The following DNAL1 variants were observed in gnomAD, a reference collection of about 807,000 sequenced individuals.
The protein encoded by DNAL1 is chromosome 14 open reading frame 168.
Under a neutral mutation model 29.4 loss-of-function variants are expected in DNAL1, and 17 were observed. The observed-to-expected ratio is 0.58, with a 90% CI of 0.40 to 0.87. DNAL1 has a LOEUF of 0.87. Ranked by LOEUF, DNAL1 falls within the 40% of genes least tolerant of loss-of-function variation. The pLI, the probability that DNAL1 is intolerant of heterozygous loss-of-function variation, is 0.00. For missense variants in DNAL1, 188 were observed against 214.1 expected (o/e 0.88, Z 0.76); for synonymous variants, 78 against 76.3 (o/e 1.02, Z -0.12).
At chr14:73,666,230 C>T (rs1392424439) in intron 4 of DNAL1, among the ~76,000 whole-genome samples, 2 of 152,054 alleles carry the variant, frequency 1.3e-5, no homozygotes, top group Non-Finnish European at 2.9e-5. Context: ...ATAGGTATTC[C>T]TATTTAACAG....
At chr14:73,662,505 C>A (rs1022351158) in intron 4 of DNAL1, among the ~76,000 whole-genome samples, 1 of 152,110 alleles carries the variant, frequency 6.6e-6, no homozygotes, top group African/African-American at 2.4e-5. Context: ...TATATATTCT[C>A]TTATGGTTCT....
chr14:73,646,015 A>G (rs1251464445), intron 1 of DNAL1, among the ~76,000 whole-genome samples: 1 of 152,196 alleles, frequency 6.6e-6, no homozygotes, highest in Non-Finnish European at 1.5e-5. Context: ...GGAGATGGAA[A>G]TGATGAGGAA....
intron 3 of DNAL1, among the ~76,000 whole-genome samples, chr14:73,661,284 A>G (rs1245999627): frequency 6.6e-6 from 1 of 152,134 alleles, no homozygotes; most frequent in Non-Finnish European, 1.5e-5. Context: ...GTATTTCACT[A>G]TCTGTTCCTA....
intron 4 of DNAL1, among the ~76,000 whole-genome samples, chr14:73,667,036 C>T (rs1891502017): frequency 6.6e-6 from 1 of 151,962 alleles, no homozygotes; most frequent in Admixed American, 6.6e-5. Flanking sequence ...TGATGGCTCC[C>T]ACATTTAGAT....
At chr14:73,669,984 T>TAC (rs35574600) in intron 4 of DNAL1, among the ~76,000 whole-genome samples, 40 of 150,948 alleles carry the variant, frequency 2.6e-4, no homozygotes, top group Middle Eastern at 3.4e-3. Context: ...CACACACACA[T>TAC]ACACACACAC....
chr14:73,682,337 ATT>A (rs57403758), intron 5 of DNAL1, among the ~76,000 whole-genome samples: 1,230 of 93,368 alleles, frequency 0.013, 5 homozygotes, highest in African/African-American at 0.049. Flanking sequence ...TGCCTGGCTA[ATT>A]TTTTTTTTTT....
At chr14:73,661,232 C>T (rs1040838239) in intron 3 of DNAL1, among the ~76,000 whole-genome samples, 4 of 152,032 alleles carry the variant, frequency 2.6e-5, no homozygotes, top group Admixed American at 6.6e-5. Flanking sequence ...CTTCCCAAGT[C>T]GGTATCTGTA....
At chr14:73,694,237 T>TAA (rs1892241534) in intron 7 of DNAL1, among the ~76,000 whole-genome samples, 5 of 128,082 alleles carry the variant, frequency 3.9e-5, no homozygotes, top group Non-Finnish European at 6.5e-5. Flanking sequence ...AAGCCCTGTC[T>TAA]ATAAATAAAT....
chr14:73,669,185 G>T (rs1891557104), intron 4 of DNAL1, among the ~76,000 whole-genome samples: 1 of 151,786 alleles, frequency 6.6e-6, no homozygotes, highest in Non-Finnish European at 1.5e-5. Context: ...TGTTACCCAG[G>T]CTAGAGTGTA....
At chr14:73,679,482 G>A (rs1891824157) in intron 5 of DNAL1, among the ~76,000 whole-genome samples, 1 of 152,024 alleles carries the variant, frequency 6.6e-6, no homozygotes, top group Non-Finnish European at 1.5e-5. Context: ...GAGATAATTG[G>A]ATAAACAAAC....
Position 73,654,765 on chromosome 14 carries a change from AATAC to A in DNAL1, c.4-59_4-56del, listed in dbSNP as rs540475697. Reference sequence around the variant, plus strand: ...CAGAGCAAGATTCTGTCTCAAAATAAATACATACATACATACATACATACATTCA... The same window carrying A: ...CAGAGCAAGATTCTGTCTCAAAATAAATACATACATACATACATACATTCA... On this transcript the variant is annotated intron_variant, in intron 1 of 7. Transcript: ENST00000553645. The A allele has an allele frequency of 1.1e-3, 1,399 of 1,281,350 alleles. 1 individual carries two copies. Among genetic ancestry groups the A allele is most frequent in the South Asian group, 2.3e-3 (145 of 63,878 alleles). 79.4% of individuals were successfully genotyped at this position (1,281,350 alleles called of 1,614,324 possible).
chr14:73,645,097 A>G, intron 1 of DNAL1, 55 bp downstream of exon 1: 1 of 1,593,696 alleles, frequency 6.3e-7, no homozygotes, highest in Non-Finnish European at 8.5e-7. Context: ...GGAGTGGAAA[A>G]GGGTGACTGT....
intron 2 of DNAL1, among the ~76,000 whole-genome samples, chr14:73,657,627 T>C (rs559689600): frequency 6.6e-6 from 1 of 152,376 alleles, no homozygotes; most frequent in South Asian, 2.1e-4. Context: ...GGAGTCTCGC[T>C]CTGTTGCCCA....
rs866586170 is a variant in DNAL1, at chr14:73,660,673, G to T, written c.153-1314G>T. 2.6e-5 allele frequency among the ~76,000 whole-genome samples: 4 copies of T among 152,220 alleles called. No homozygotes were observed. The South Asian group carries it at 8.3e-4, about 32-fold the overall frequency. ...GAGCAAACATATTTAGCTTTTGTAC[G>T]CAGCTTGTTCTTTGTGATGAGAACA... On this transcript the variant is annotated intron_variant, in intron 3 of 7. Transcript: ENST00000553645.
At chr14:73,661,191 A>G (rs1379447794) in intron 3 of DNAL1, among the ~76,000 whole-genome samples, 1 of 151,970 alleles carries the variant, frequency 6.6e-6, no homozygotes, top group Non-Finnish European at 1.5e-5. Flanking sequence ...TTGTTCTGCT[A>G]GATGGTTTTT....
chr14:73,647,377 A>G (rs899297707), intron 1 of DNAL1, among the ~76,000 whole-genome samples: 68 of 107,804 alleles, frequency 6.3e-4, no homozygotes, highest in African/African-American at 1.7e-3. Context: ...AAAAAAAAAA[A>G]AAAAGAAAAA....
intron 4 of DNAL1, among the ~76,000 whole-genome samples, chr14:73,667,337 C>T (rs968941433): frequency 7.9e-5 from 12 of 151,918 alleles, no homozygotes; most frequent in Admixed American, 4.6e-4. Context: ...TGGTGGCATG[C>T]GCCTATAATC....
rs1029093761 is a variant in DNAL1 at position 73,699,012 on chromosome 14, C to T, written c.*3070C>T. The T allele has an allele frequency of 6.6e-6, 1 of 152,142 alleles. No individual in the cohort carries two copies. The highest frequency in any genetic ancestry group is 2.4e-5 in the African/African-American group (1 of 41,410). 9.4% of individuals were successfully genotyped at this position (152,142 alleles called of 1,614,324 possible). ...TAATTCATTGTTGTTGGGGGCTGTC[C>T]TGTGTGCTTAGGATGTTCAGCTGCA... On this transcript the variant is annotated 3_prime_UTR_variant, in exon 8 of 8. Transcript: ENST00000553645.
At chr14:73,687,225 A>G (rs891691445) in intron 5 of DNAL1, 34 bp from the exon 6 acceptor site, 15 of 1,607,590 alleles carry the variant, frequency 9.3e-6, no homozygotes, top group South Asian at 1.1e-5. Flanking sequence ...AAAAGCTTAA[A>G]CATAAACATA....
Sources: gnomAD v4.1 joint callset for allele counts (sites outside exome capture counted in the v4.1 genomes callset) on GRCh38, gnomAD v4.1.1 for gene constraint, MANE v1.5 for transcripts, NCBI Gene and HGNC (gene_info 2026-07-23, HGNC 2026-07-21) for gene names.